The following TSPAN13 variants were observed in gnomAD, a reference collection of about 807,000 sequenced individuals.
TSPAN13 encodes the protein tetraspanin 13.
A neutral mutation model predicts 26.9 loss-of-function variants in TSPAN13; 18 were observed. The ratio of observed to expected loss-of-function variants is 0.67; its 90% CI spans 0.46 to 0.99. The LOEUF (loss-of-function observed/expected upper bound fraction) is 0.99. TSPAN13 is among the 50% of genes least tolerant of loss of function. The pLI is 0.00. For synonymous variants in TSPAN13, 116 were observed against 98.4 expected (o/e 1.18, Z -1.06); for missense variants, 201 against 249.6 (o/e 0.81, Z 1.31).
intron 5 of TSPAN13, among the ~76,000 whole-genome samples, chr7:16,782,993 C>T (rs867231851): frequency 6.6e-6 from 1 of 152,174 alleles, no homozygotes; most frequent in Non-Finnish European, 1.5e-5. Context: ...TTTCCCTTTA[C>T]TTCTGCCATC....
intron 1 of TSPAN13, among the ~76,000 whole-genome samples, chr7:16,774,550 G>T (rs1221580818): frequency 2.6e-5 from 4 of 152,182 alleles, no homozygotes; most frequent in African/African-American, 9.7e-5. Flanking sequence ...AGGGGCAGAG[G>T]ACTTTTTCTC....
chr7:16,764,327 C>G (rs534996697), intron 1 of TSPAN13, among the ~76,000 whole-genome samples: 1 of 151,974 alleles, frequency 6.6e-6, no homozygotes, highest in South Asian at 2.1e-4. Flanking sequence ...GCGCCTGGCT[C>G]TCTTTGTTCT....
chr7:16,755,432 G>T (rs1045289996), intron 1 of TSPAN13, among the ~76,000 whole-genome samples: 2 of 151,934 alleles, frequency 1.3e-5, no homozygotes, highest in African/African-American at 4.8e-5. Context: ...TGGTGATACA[G>T]TTCCTTGGAG....
chr7:16,772,538 C>CT (rs892469221), intron 1 of TSPAN13, among the ~76,000 whole-genome samples: 7 of 151,956 alleles, frequency 4.6e-5, no homozygotes, highest in African/African-American at 7.3e-5. Context: ...GTCTCTGCCT[C>CT]TTTTTTTTAT....
intron 1 of TSPAN13, among the ~76,000 whole-genome samples, chr7:16,768,130 T>C (rs950606343): frequency 6.6e-6 from 1 of 152,144 alleles, no homozygotes; most frequent in Non-Finnish European, 1.5e-5. Context: ...GCCAGGCTGG[T>C]CTTGAACTCC....
intron 1 of TSPAN13, among the ~76,000 whole-genome samples, chr7:16,768,306 G>C (rs944723420): frequency 2.0e-5 from 3 of 152,190 alleles, no homozygotes; most frequent in Admixed American, 6.5e-5. Context: ...GTACAGTACA[G>C]AAGTTTAAAT....
In TSPAN13 at chr7:16,776,350, T is replaced by G. The variant is rs748354295; in HGVS notation, c.203T>G (p.Val68Gly). The change falls in exon 2 of 6, where the codon GTA (valine) becomes GGA (glycine). Residue 68 changes from valine (V) to glycine (G), a missense_variant. Transcript: ENST00000262067. ...GCTTTAGTGGGTCTGATTGGAGCTGTAAAACATCATCAGGTGTTGCTATTT... is the reference window on the plus strand; with the variant it reads ...GCTTTAGTGGGTCTGATTGGAGCTGGAAAACATCATCAGGTGTTGCTATTT... ...LIALVGLIGA[V>G]KHHQVLLFFY... 6.2e-7 allele frequency: 1 copy of G among 1,613,790 alleles called. No individual in the cohort carries two copies. Among genetic ancestry groups the G allele is most frequent in the Admixed American group, 1.7e-5 (1 of 59,978 alleles).
intron 5 of TSPAN13, 38 bp downstream of exon 5, chr7:16,779,154 A>C (rs774227673): frequency 1.3e-6 from 2 of 1,505,438 alleles, no homozygotes; most frequent in Non-Finnish European, 1.8e-6. Context: ...CCTTTGTCAC[A>C]GAGATTCCTG....
intron 1 of TSPAN13, among the ~76,000 whole-genome samples, chr7:16,758,949 C>T (rs1343139569): frequency 6.6e-6 from 1 of 152,096 alleles, no homozygotes; most frequent in African/African-American, 2.4e-5. Context: ...ATTAATTGAG[C>T]ATCAATAGCA....
chr7:16,772,482 G>A (rs706066), intron 1 of TSPAN13, among the ~76,000 whole-genome samples: 2,318 of 152,244 alleles, frequency 0.015, 66 homozygotes, highest in African/African-American at 0.053. Flanking sequence ...CTGTTCTTGC[G>A]TCTTCCATTT....
intron 1 of TSPAN13, among the ~76,000 whole-genome samples, chr7:16,768,411 A>G (rs1033956182): frequency 3.9e-5 from 6 of 152,182 alleles, no homozygotes; most frequent in Admixed American, 3.9e-4. Context: ...CTTACTGTCT[A>G]ACCTTGGGCA....
In TSPAN13 at chr7:16,779,119, A is replaced by G. The variant is rs920674610; in HGVS notation, c.540+3A>G. On this transcript the variant is annotated splice_donor_region_variant and intron_variant, in intron 5 of 5. Coordinates refer to ENST00000262067, the MANE Select transcript of TSPAN13 (RefSeq NM_014399.4). ...GCCTGTTCTTCAGTTTTACAGAGGTATGTGCAAATAACAATATTTTTCCTC... is the reference window on the plus strand; with the variant it reads ...GCCTGTTCTTCAGTTTTACAGAGGTGTGTGCAAATAACAATATTTTTCCTC... The G allele has an allele frequency of 1.9e-6, 3 of 1,601,184 alleles. No individual in the cohort carries two copies. Among genetic ancestry groups the G allele is most frequent in the South Asian group, 2.2e-5 (2 of 89,274 alleles).
intron 3 of TSPAN13, 73 bp from the exon 4 acceptor site, chr7:16,777,725 A>G: frequency 8.7e-7 from 1 of 1,144,342 alleles, no homozygotes; most frequent in South Asian, 1.6e-5. Flanking sequence ...ACTTAGTACT[A>G]AAAGTTACAG....
chr7:16,755,035 C>A (rs2115318171), intron 1 of TSPAN13, among the ~76,000 whole-genome samples: 1 of 152,328 alleles, frequency 6.6e-6, no homozygotes, highest in Non-Finnish European at 1.5e-5. Context: ...GAATCCAGAT[C>A]TTTCCACAGG....
intron 1 of TSPAN13, among the ~76,000 whole-genome samples, chr7:16,773,164 T>TGGGG (rs150701147): frequency 2.7e-5 from 4 of 145,540 alleles, no homozygotes; most frequent in African/African-American, 1.0e-4. Flanking sequence ...TAAAAAATCT[T>TGGGG]GGGGGGGGGC....
intron 1 of TSPAN13, among the ~76,000 whole-genome samples, chr7:16,769,167 A>C (rs1161388199): frequency 6.6e-6 from 1 of 152,168 alleles, no homozygotes; most frequent in Non-Finnish European, 1.5e-5. Flanking sequence ...TTTTTAACTT[A>C]TTTAGTTTTT....
At chr7:16,763,441 T>A (rs1011580101) in intron 1 of TSPAN13, among the ~76,000 whole-genome samples, 1 of 152,202 alleles carries the variant, frequency 6.6e-6, no homozygotes, top group East Asian at 1.9e-4. Context: ...CATCCAGTAG[T>A]TGGGTCATAA....
intron 5 of TSPAN13, 105 bp from the exon 6 acceptor site, chr7:16,783,312 G>A (rs62440384): frequency 1.0e-6 from 1 of 1,002,826 alleles, no homozygotes; most frequent in Non-Finnish European, 1.4e-6. Context: ...AACAAAAGAT[G>A]CAAAGCGATT....
chr7:16,772,908 A>G (rs1229853170), intron 1 of TSPAN13, among the ~76,000 whole-genome samples: 2 of 152,162 alleles, frequency 1.3e-5, no homozygotes. Context: ...AGGTGGGAGA[A>G]TCACTTGAAC....
Sources: gnomAD v4.1 joint callset for allele counts (sites outside exome capture counted in the v4.1 genomes callset) on GRCh38, gnomAD v4.1.1 for gene constraint, MANE v1.5 for transcripts, NCBI Gene and HGNC (gene_info 2026-07-23, HGNC 2026-07-21) for gene names.